ITK: variants seen among roughly 807,000 people sequenced by gnomAD.
ITK encodes tyrosine-protein kinase ITK/TSK.
Under a neutral mutation model 87.6 loss-of-function variants are expected in ITK, and 45 were observed. The ratio of observed to expected loss-of-function variants is 0.51; its 90% CI spans 0.40 to 0.66. The LOEUF (loss-of-function observed/expected upper bound fraction) is 0.66. Ranked by LOEUF, ITK falls within the 30% of genes least tolerant of loss-of-function variation. The probability of loss-of-function intolerance (pLI) is 0.00; values close to 1 mark genes in which losing one functional copy is unlikely to be tolerated. For synonymous variants in ITK, 303 were observed against 273.6 expected, an observed-to-expected ratio of 1.11 and a Z score of -1.06; for missense variants, 605 against 766.3, an observed-to-expected ratio of 0.79 and a Z score of 2.48.
rs1305111644 is a variant in ITK, at chr5:157,222,869, C to T, written c.502C>T (p.Leu168Phe). The change falls in exon 6 of 17, where the codon CTT becomes TTT. Residue 168 changes from leucine (L) to phenylalanine (F), a missense_variant. Leu to Phe is a conservative substitution (Grantham distance 22). This residue lies in a region of ITK where 464 missense variants were observed against 578.0 expected (regional missense o/e 0.80). Coordinates refer to ENST00000422843, the MANE Select transcript of ITK (RefSeq NM_005546.4). ...TGTTGTCTCTCTTCCCCAGCGACCACTTTGGGAACCTGAAGAAACTGTGGT... is the reference window on the plus strand; with the variant it reads ...TGTTGTCTCTCTTCCCCAGCGACCATTTTGGGAACCTGAAGAAACTGTGGT... The part of the protein sequence containing the change: ...PPTPEDNRRP[L>F]WEPEETVVIA... The T allele has an allele frequency of 1.2e-6, 2 of 1,613,946 alleles. No homozygotes were observed. Among genetic ancestry groups the T allele is most frequent in the African/African-American group, 1.3e-5 (1 of 74,884 alleles).
chr5:157,233,961 A>ATATATATATATATATATATATATATG (rs1754721767), intron 8 of ITK, among the ~76,000 whole-genome samples: 1 of 28,926 alleles, frequency 3.5e-5, no homozygotes, highest in Non-Finnish European at 5.9e-5. Context: ...ATATATATAT[A>ATATATATATATATATATATATATATG]TATTTTTTTT....
At chr5:157,244,884 A>C in intron 13 of ITK, 1 of 272,460 alleles carries the variant, frequency 3.7e-6, no homozygotes, top group Non-Finnish European at 7.3e-6. Context: ...GGGACTCAGG[A>C]ATATTCATTT....
rs199830726 is a variant in ITK, at chr5:157,245,845, G to C, written c.1515-36G>C. 6.8e-5 allele frequency: 110 copies of C among 1,610,102 alleles called. No homozygotes were observed. The East Asian group carries it at 1.8e-3, about 26-fold the overall frequency. Reference sequence around the variant, plus strand: ...CTCAGGAATGGGACTGAGGCCCCCGGAACATTCTGACCTTCTCCCTCCACT... The same window carrying C: ...CTCAGGAATGGGACTGAGGCCCCCGCAACATTCTGACCTTCTCCCTCCACT... On this transcript the variant is annotated intron_variant, in intron 14 of 16. Coordinates refer to ENST00000422843, the MANE Select transcript of ITK (RefSeq NM_005546.4).
chr5:157,195,683 A>T (rs1561648408), intron 1 of ITK: 1 of 152,222 alleles, frequency 6.6e-6, no homozygotes, highest in African/African-American at 2.4e-5. Flanking sequence ...ACTAATAAAC[A>T]TTCTTCTTTT....
chr5:157,185,588 G>T (rs1419420474), intron 1 of ITK, among the ~76,000 whole-genome samples: 1 of 151,598 alleles, frequency 6.6e-6, no homozygotes, highest in Non-Finnish European at 1.5e-5. Context: ...ACTCACGCCT[G>T]CAATCCCAAC....
chr5:157,189,993 T>C (rs1753722786), intron 1 of ITK, among the ~76,000 whole-genome samples: 1 of 152,216 alleles, frequency 6.6e-6, no homozygotes, highest in Non-Finnish European at 1.5e-5. Flanking sequence ...TCACTAAAAG[T>C]GATCCTAAGG....
chr5:157,223,618 G>T (rs201615941), intron 6 of ITK, among the ~76,000 whole-genome samples: 3 of 151,052 alleles, frequency 2.0e-5, no homozygotes, highest in Non-Finnish European at 2.9e-5. Context: ...GCCTTTTAAG[G>T]TTTTTTTTTC....
chr5:157,228,210 T>A (rs1754576262), intron 6 of ITK, 86 bp from the exon 7 acceptor site: 2 of 858,498 alleles, frequency 2.3e-6, no homozygotes, highest in East Asian at 5.0e-5. Context: ...TCCCCAATCT[T>A]TAAATGACTT....
At chr5:157,184,332 A>G (rs549899994) in intron 1 of ITK, among the ~76,000 whole-genome samples, 6 of 152,294 alleles carry the variant, frequency 3.9e-5, no homozygotes, top group South Asian at 4.1e-4. Flanking sequence ...TAAACTACCA[A>G]TGTGATGTCT....
intron 1 of ITK, among the ~76,000 whole-genome samples, chr5:157,192,416 T>G (rs537929308): frequency 2.9e-4 from 44 of 152,294 alleles, no homozygotes; most frequent in African/African-American, 1.1e-3. Flanking sequence ...TAGAAGTTAG[T>G]TTTAATTTTA....
intron 1 of ITK, among the ~76,000 whole-genome samples, chr5:157,202,798 G>T (rs977546712): frequency 1.3e-5 from 2 of 152,120 alleles, no homozygotes; most frequent in African/African-American, 2.4e-5. Flanking sequence ...TTGCATTTTT[G>T]AATGTGCCTA....
intron 1 of ITK, among the ~76,000 whole-genome samples, chr5:157,182,290 A>C (rs1753549341): frequency 6.6e-6 from 1 of 152,148 alleles, no homozygotes; most frequent in Non-Finnish European, 1.5e-5. Context: ...TGGTGGCATG[A>C]GTTTGGGATT....
At position 157,243,780 on chromosome 5, in the gene ITK, G is replaced by A; in HGVS notation, c.1218G>A (p.Glu406=). 6.2e-7 allele frequency: 1 copy of A among 1,613,992 alleles called. No individual in the cohort carries two copies. Residue 406 remains glutamate, a synonymous_variant, in exon 12 of 17, where the codon GAG becomes GAA. Transcript: ENST00000422843. Reference sequence around the variant, plus strand: ...TGTCAGAAGAGGACTTCATAGAGGAGGCTGAAGTAATGATGTGAGTGCTCA... The same window carrying A: ...TGTCAGAAGAGGACTTCATAGAGGAAGCTGAAGTAATGATGTGAGTGCTCA... ...GAMSEEDFIE[E]AEVMMKLSHP...
chr5:157,211,469 C>A, intron 3 of ITK, 101 bp downstream of exon 3: 1 of 1,001,794 alleles, frequency 1.0e-6, no homozygotes, highest in Non-Finnish European at 1.6e-6. Context: ...CAGCTGATGG[C>A]TGATTTCTCT....
In ITK at chr5:157,224,544, C is replaced by T. The variant is rs533450321; in HGVS notation, c.647+1530C>T. On this transcript the variant is annotated intron_variant, in intron 6 of 16. Transcript: ENST00000422843. Reference sequence around the variant, plus strand: ...TAATCCCAGCACTTTGATTGGGAGGCCAAGGTGGGCTGATCACCTGAGGTC... The same window carrying T: ...TAATCCCAGCACTTTGATTGGGAGGTCAAGGTGGGCTGATCACCTGAGGTC... Among the ~76,000 whole-genome samples, 4 of 152,260 alleles carry T rather than the reference C, an allele frequency of 2.6e-5. No homozygotes were observed. The East Asian group carries it at 5.8e-4, about 22-fold the overall frequency.
rs186655309 is a variant in ITK, at chr5:157,243,372, G to T, written c.1061-251G>T. The stretch of plus-strand genomic sequence containing the variant: ...GCAAGAACCCTTTCTTTAATATTTT[G>T]ATTAATATGGTTTCTTTAATATCTT... On this transcript the variant is annotated intron_variant, in intron 11 of 16. Coordinates refer to ENST00000422843, the MANE Select transcript of ITK (RefSeq NM_005546.4). Among the ~76,000 whole-genome samples, 716 of 152,196 alleles carry T rather than the reference G, an allele frequency of 4.7e-3. 10 individuals carry two copies. The highest frequency in any genetic ancestry group is 0.016 in the African/African-American group (680 of 41,528).
chr5:157,226,398 A>G (rs1754532077), intron 6 of ITK, among the ~76,000 whole-genome samples: 1 of 152,256 alleles, frequency 6.6e-6, no homozygotes, highest in Non-Finnish European at 1.5e-5. Flanking sequence ...TGATGCATTA[A>G]TATAATTGTA....
chr5:157,209,579 G>A (rs1050323132), intron 2 of ITK, among the ~76,000 whole-genome samples: 3 of 152,122 alleles, frequency 2.0e-5, no homozygotes, highest in Admixed American at 1.3e-4. Flanking sequence ...GTCCTAATTA[G>A]TGAAGGAAGA....
chr5:157,196,035 G>A (rs1184360127), intron 1 of ITK: 1 of 152,142 alleles, frequency 6.6e-6, no homozygotes, highest in African/African-American at 2.4e-5. Context: ...TTATAAGTGG[G>A]GAGGAGGGTG....
Sources: allele counts gnomAD v4.1 joint callset (sites outside exome capture counted in the v4.1 genomes callset), GRCh38; gene constraint gnomAD v4.1.1; regional missense constraint gnomAD v4.1.1; transcripts MANE v1.5; gene names NCBI Gene and HGNC (gene_info 2026-07-23, HGNC 2026-07-21).